The following ADGRB3 variants were observed in gnomAD, a reference collection of about 807,000 sequenced individuals.
ADGRB3 encodes adhesion G protein-coupled receptor B3, also known as brain-specific angiogenesis inhibitor 3.
ADGRB3 carries 37 observed loss-of-function variants against 193.4 expected under a neutral mutation model. The observed-to-expected ratio is 0.19, with a 90% CI of 0.15 to 0.25. The LOEUF is 0.25. Ranked by LOEUF, ADGRB3 falls within the 10% of genes least tolerant of loss-of-function variation. The pLI is 1.00. For missense variants in ADGRB3, 1,637 were observed against 1,852.9 expected (o/e 0.88, Z 2.14); for synonymous variants, 690 against 644.2 (o/e 1.07, Z -1.08).
intron 20 of ADGRB3, among the ~76,000 whole-genome samples, chr6:69,275,386 G>T (rs1386875789): frequency 6.6e-6 from 1 of 151,982 alleles, no homozygotes; most frequent in Non-Finnish European, 1.5e-5. Context: ...AATAGGAAAG[G>T]AGGGAGGAAG....
chr6:69,047,692 C>T (rs983170915), intron 13 of ADGRB3, among the ~76,000 whole-genome samples: 2 of 152,092 alleles, frequency 1.3e-5, no homozygotes, highest in Middle Eastern at 3.4e-3. Context: ...TGGCTTTGTT[C>T]TCCATTTCTT....
intron 9 of ADGRB3, 54 bp downstream of exon 9, chr6:68,974,918 C>T: frequency 6.9e-7 from 1 of 1,440,300 alleles, no homozygotes; most frequent in Admixed American, 1.7e-5. Flanking sequence ...CCAAGAACAG[C>T]ATGCAGTGTT....
chr6:69,080,012 A>G (rs1188955262), intron 17 of ADGRB3, among the ~76,000 whole-genome samples: 1 of 152,062 alleles, frequency 6.6e-6, no homozygotes, highest in Non-Finnish European at 1.5e-5. Flanking sequence ...TGAGACTGAC[A>G]CTGGCTTGTT....
intron 17 of ADGRB3, among the ~76,000 whole-genome samples, chr6:69,198,247 G>A (rs1765341858): frequency 6.6e-6 from 1 of 151,986 alleles, no homozygotes; most frequent in Non-Finnish European, 1.5e-5. Flanking sequence ...AGAATCTAGA[G>A]TAGTGCCTAA....
chr6:69,197,585 A>G (rs1434333753), intron 17 of ADGRB3, among the ~76,000 whole-genome samples: 1 of 152,070 alleles, frequency 6.6e-6, no homozygotes, highest in Admixed American at 6.6e-5. Context: ...GATGTTTACA[A>G]TTTACATTGC....
chr6:68,822,336 T>G (rs1420486201), intron 3 of ADGRB3, among the ~76,000 whole-genome samples: 1 of 151,930 alleles, frequency 6.6e-6, no homozygotes, highest in African/African-American at 2.4e-5. Context: ...AAAATAACTA[T>G]TTATAATTTG....
intron 3 of ADGRB3, among the ~76,000 whole-genome samples, chr6:68,913,093 T>C (rs896482005): frequency 2.5e-4 from 38 of 152,348 alleles, no homozygotes; most frequent in Non-Finnish European, 4.4e-5. Context: ...TGCCTGCCTC[T>C]GTAGGCTCCA....
chr6:69,171,515 G>A (rs1215090744), intron 17 of ADGRB3, among the ~76,000 whole-genome samples: 1 of 152,168 alleles, frequency 6.6e-6, no homozygotes, highest in Admixed American at 6.5e-5. Context: ...CAAAGTTCTA[G>A]TTGTATGAAG....
At chr6:69,311,756 G>A (rs1768199315) in intron 20 of ADGRB3, among the ~76,000 whole-genome samples, 1 of 151,516 alleles carries the variant, frequency 6.6e-6, no homozygotes, top group Non-Finnish European at 1.5e-5. Flanking sequence ...TCCTTCTCAT[G>A]TGCTTTAGAT....
chr6:69,112,527 A>G (rs1032764768), intron 17 of ADGRB3, among the ~76,000 whole-genome samples: 2 of 152,122 alleles, frequency 1.3e-5, no homozygotes, highest in African/African-American at 4.8e-5. Flanking sequence ...ACATTTCTCC[A>G]TGTTTCTAGA....
At chr6:68,684,345 G>A (rs1764946357) in intron 3 of ADGRB3, among the ~76,000 whole-genome samples, 1 of 151,912 alleles carries the variant, frequency 6.6e-6, no homozygotes, top group South Asian at 2.1e-4. Context: ...TTACTTCTTA[G>A]TTTTCATTCT....
rs568779879 is a variant in ADGRB3, at chr6:68,841,488, A to G, written c.758-89071A>G. ...AACTATACAAGCTCATGGAAATTAA[A>G]CAATATGCTCCTGAATGACCAGTGA... is the stretch of plus-strand genomic sequence containing the variant. On this transcript the variant is annotated intron_variant, in intron 3 of 31. Transcript: ENST00000370598. 2.6e-5 allele frequency among the ~76,000 whole-genome samples: 4 copies of G among 152,326 alleles called. No homozygotes were observed. The South Asian group carries it at 8.3e-4, about 32-fold the overall frequency.
intron 15 of ADGRB3, among the ~76,000 whole-genome samples, 185 bp downstream of exon 15, chr6:69,049,531 G>T (rs1771333363): frequency 6.6e-6 from 1 of 152,058 alleles, no homozygotes; most frequent in Non-Finnish European, 1.5e-5. Context: ...AACTAGAAAA[G>T]ATAATTTTGG....
At chr6:69,173,398 T>C (rs1007255391) in intron 17 of ADGRB3, among the ~76,000 whole-genome samples, 3 of 152,212 alleles carry the variant, frequency 2.0e-5, no homozygotes, top group Non-Finnish European at 4.4e-5. Context: ...ATTTTTCTTT[T>C]TTAAACAGAA....
intron 20 of ADGRB3, among the ~76,000 whole-genome samples, chr6:69,292,020 C>T (rs1389195720): frequency 6.6e-6 from 1 of 152,268 alleles, no homozygotes; most frequent in East Asian, 1.9e-4. Flanking sequence ...CAAGTTTTCT[C>T]TAGTTTATTA....
chr6:68,991,581 A>G (rs2150274073), intron 10 of ADGRB3, among the ~76,000 whole-genome samples: 1 of 151,990 alleles, frequency 6.6e-6, no homozygotes, highest in Non-Finnish European at 1.5e-5. Flanking sequence ...AAAAAAAAAA[A>G]AAGCAAGACA....
At chr6:69,373,837 A>G (rs1769757115) in intron 30 of ADGRB3, among the ~76,000 whole-genome samples, 1 of 152,142 alleles carries the variant, frequency 6.6e-6, no homozygotes, top group African/African-American at 2.4e-5. Flanking sequence ...GTAAAAACCT[A>G]GAACTAAAAT....
At chr6:68,934,281 C>A (rs946972265) in intron 4 of ADGRB3, among the ~76,000 whole-genome samples, 1 of 152,020 alleles carries the variant, frequency 6.6e-6, no homozygotes, top group Admixed American at 6.6e-5. Context: ...GTGACAAGAC[C>A]AATTCTGAGC....
At chr6:69,093,306 G>A (rs1772769815) in intron 17 of ADGRB3, among the ~76,000 whole-genome samples, 1 of 151,382 alleles carries the variant, frequency 6.6e-6, no homozygotes, top group East Asian at 1.9e-4. Flanking sequence ...GGAAAGGGAT[G>A]GGGTGGGCAT....
Sources: allele counts gnomAD v4.1 joint callset (sites outside exome capture counted in the v4.1 genomes callset), GRCh38; gene constraint gnomAD v4.1.1; transcripts MANE v1.5; gene names NCBI Gene and HGNC (gene_info 2026-07-23, HGNC 2026-07-21).